The following METTL16 variants were observed in gnomAD, a reference collection of about 807,000 sequenced individuals.
METTL16 encodes the protein RNA N(6)-adenosine-methyltransferase METTL16.
In METTL16, 19 loss-of-function variants were observed where a neutral mutation model predicts 57.9. The ratio of observed to expected loss-of-function variants is 0.33; its 90% confidence interval spans 0.23 to 0.48. The LOEUF is 0.48. Among genes scored for constraint, METTL16 ranks in the 20% least tolerant of loss-of-function variants. The pLI is 0.99. For missense variants in METTL16, 434 were observed against 691.5 expected, an observed-to-expected ratio of 0.63 and a Z score of 4.18; for synonymous variants, 246 against 255.6, an observed-to-expected ratio of 0.96 and a Z score of 0.36.
intron 2 of METTL16, among the ~76,000 whole-genome samples, chr17:2,492,999 C>T (rs1238531889): frequency 6.6e-6 from 1 of 151,008 alleles, no homozygotes; most frequent in African/African-American, 2.4e-5. Context: ...CTTTCCAAAA[C>T]ACCCCTGATT....
chr17:2,444,712 C>T (rs1567887909), intron 6 of METTL16, among the ~76,000 whole-genome samples: 1 of 149,296 alleles, frequency 6.7e-6, no homozygotes, highest in Non-Finnish European at 1.5e-5. Flanking sequence ...ACAGATGGAC[C>T]ATTTTTTTTT....
At chr17:2,437,983 C>T (rs1254427678) in intron 8 of METTL16, 126 bp downstream of exon 8, 1 of 714,944 alleles carries the variant, frequency 1.4e-6, no homozygotes, top group Non-Finnish European at 2.5e-6. Context: ...AACCCCTTTC[C>T]ATTCTGACAT....
At chr17:2,429,795 TG>T (rs2066856057) in intron 8 of METTL16, among the ~76,000 whole-genome samples, 1 of 151,686 alleles carries the variant, frequency 6.6e-6, no homozygotes, top group African/African-American at 2.4e-5. Context: ...ACCCTGTATC[TG>T]ATCAAGCTGC....
At chr17:2,464,136 A>G in intron 6 of METTL16, 72 bp downstream of exon 6, 1 of 1,490,206 alleles carries the variant, frequency 6.7e-7, no homozygotes, top group Non-Finnish European at 9.0e-7. Context: ...CCACCAAAAA[A>G]AAGAGAACTA....
chr17:2,492,128 G>C (rs529746004), intron 2 of METTL16, among the ~76,000 whole-genome samples: 1 of 140,006 alleles, frequency 7.1e-6, no homozygotes, highest in Non-Finnish European at 1.6e-5. Context: ...GGAGAATGGC[G>C]TGAACCTGGG....
At chr17:2,439,329 C>T (rs1468791203) in intron 7 of METTL16, among the ~76,000 whole-genome samples, 1 of 152,052 alleles carries the variant, frequency 6.6e-6, no homozygotes, top group African/African-American at 2.4e-5. Flanking sequence ...CCAGGCTGGT[C>T]TTGAATTCCT....
At chr17:2,448,801 T>TAAAAAAAAA (rs1567889993) in intron 6 of METTL16, among the ~76,000 whole-genome samples, 7 of 47,392 alleles carry the variant, frequency 1.5e-4, no homozygotes, top group African/African-American at 1.9e-4. Flanking sequence ...AAAATAAAAT[T>TAAAAAAAAA]TAAAAAAAAA....
intron 2 of METTL16, among the ~76,000 whole-genome samples, chr17:2,493,762 C>T (rs2067419773): frequency 6.6e-6 from 1 of 151,504 alleles, no homozygotes; most frequent in African/African-American, 2.4e-5. Flanking sequence ...AACATTCTAC[C>T]AGTGCAGACA....
At chr17:2,448,802 T>TTAAAAAA (rs1555617301) in intron 6 of METTL16, among the ~76,000 whole-genome samples, 1 of 43,642 alleles carries the variant, frequency 2.3e-5, no homozygotes, top group Non-Finnish European at 3.9e-5. Flanking sequence ...AAATAAAATT[T>TTAAAAAA]AAAAAAAAAA....
At chr17:2,440,967 T>A in intron 7 of METTL16, among the ~76,000 whole-genome samples, 1 of 42,082 alleles carries the variant, frequency 2.4e-5, no homozygotes, top group African/African-American at 1.3e-4. Context: ...CTAGACTTGA[T>A]CTCAAAAAAA....
chr17:2,423,826 C>T (rs1306335131), intron 8 of METTL16, among the ~76,000 whole-genome samples: 6 of 152,312 alleles, frequency 3.9e-5, no homozygotes, highest in East Asian at 3.9e-4. Flanking sequence ...AAAGTAAGGA[C>T]GGGCTTCATC....
rs56689043 is a variant in METTL16, at chr17:2,442,835, C to CTT, written c.729-1278_729-1277dup. Among the ~76,000 whole-genome samples, 755 of 147,202 alleles carry CTT rather than the reference C, an allele frequency of 5.1e-3. 6 individuals are homozygous for CTT. Among genetic ancestry groups the CTT allele is most frequent in the African/African-American group, 0.016 (659 of 40,418 alleles). On this transcript the variant is annotated intron_variant, in intron 6 of 9. Transcript: ENST00000263092. ...GAAGAAATAGATAACTTCAATAGTT[C>CTT]TTTTTTTTTTTTGAGATAGTCTTGT...
At chr17:2,437,645 G>A (rs1205558735) in intron 8 of METTL16, among the ~76,000 whole-genome samples, 2 of 152,112 alleles carry the variant, frequency 1.3e-5, no homozygotes, top group East Asian at 3.8e-4. Flanking sequence ...TCCGCCTCCT[G>A]GGTTCAAGCA....
intron 8 of METTL16, among the ~76,000 whole-genome samples, chr17:2,427,787 T>TA (rs1256505562): frequency 6.6e-6 from 1 of 151,770 alleles, no homozygotes; most frequent in African/African-American, 2.4e-5. Context: ...TGAAATTAAG[T>TA]AAAAACCCAC....
intron 8 of METTL16, among the ~76,000 whole-genome samples, chr17:2,421,479 T>A (rs1472326666): frequency 6.6e-6 from 1 of 152,178 alleles, no homozygotes; most frequent in Middle Eastern, 3.2e-3. Flanking sequence ...TAACTGCAGT[T>A]AGGACTGAAC....
At chr17:2,446,628 G>A (rs1027627438) in intron 6 of METTL16, among the ~76,000 whole-genome samples, 69 of 115,728 alleles carry the variant, frequency 6.0e-4, no homozygotes, top group African/African-American at 3.7e-3. Flanking sequence ...CTCCCTCCAC[G>A]GTCTCCTTCC....
rs74252314 is a variant in METTL16 at position 2,423,196 on chromosome 17, A to C, written c.889-2292T>G. 2.9e-3 allele frequency among the ~76,000 whole-genome samples: 440 copies of C among 152,124 alleles called. 9 individuals carry two copies. In the East Asian group the frequency reaches 0.062, roughly 21 times the overall value. ...TAACCAGCGGCCTCACACTGCATAC[A>C]TACACAACAACCTAACCAGTTTATT... On this transcript the variant is annotated intron_variant, in intron 8 of 9. Transcript: ENST00000263092.
At chr17:2,493,333 C>T (rs561825200) in intron 2 of METTL16, among the ~76,000 whole-genome samples, 6 of 151,414 alleles carry the variant, frequency 4.0e-5, no homozygotes, top group South Asian at 2.1e-4. Flanking sequence ...TCATGATCCG[C>T]CCGCCTTGGC....
At chr17:2,436,311 T>C (rs183531341) in intron 8 of METTL16, among the ~76,000 whole-genome samples, 1 of 152,136 alleles carries the variant, frequency 6.6e-6, no homozygotes, top group Non-Finnish European at 1.5e-5. Flanking sequence ...CTAGATAACT[T>C]ACTGCACTGT....
Sources: allele counts gnomAD v4.1 joint callset (sites outside exome capture counted in the v4.1 genomes callset), GRCh38; gene constraint gnomAD v4.1.1; transcripts MANE v1.5; gene names NCBI Gene and HGNC (gene_info 2026-07-23, HGNC 2026-07-21).